AFF2: variants seen among roughly 807,000 people sequenced by gnomAD.
AFF2 encodes ALF transcription elongation factor 2.
In AFF2, 14 loss-of-function variants were observed where a neutral mutation model predicts 76.9. The ratio of observed to expected loss-of-function variants is 0.18; its 90% CI spans 0.12 to 0.28. The LOEUF (loss-of-function observed/expected upper bound fraction) is 0.28. Ranked by LOEUF, AFF2 falls within the 10% of genes least tolerant of loss-of-function variation. The pLI is 1.00. For synonymous variants in AFF2, 398 were observed against 366.7 expected (o/e 1.09, Z -0.98); for missense variants, 868 against 1,001.1 (o/e 0.87, Z 1.79).
chrX:148,633,828 T>C (rs1205139389), intron 1 of AFF2, among the ~76,000 whole-genome samples: 3 of 112,776 alleles, frequency 2.7e-5, no homozygotes, highest in African/African-American at 9.7e-5. Flanking sequence ...TTTTATCTGT[T>C]CAGCCTCCTG....
At chrX:148,924,922 A>T (rs782780652) in intron 9 of AFF2, among the ~76,000 whole-genome samples, 2 of 112,607 alleles carry the variant, frequency 1.8e-5, no homozygotes, top group African/African-American at 6.4e-5. Context: ...AGCCAGATCT[A>T]CTCAATAAGT....
chrX:148,759,126 C>T (rs112147092), intron 3 of AFF2, among the ~76,000 whole-genome samples: 1,160 of 111,959 alleles, frequency 0.01, 25 homozygotes, highest in African/African-American at 0.035. Context: ...CGATGCTAAA[C>T]TCGGCAGTCC....
intron 3 of AFF2, among the ~76,000 whole-genome samples, chrX:148,787,541 G>A (rs2069837580): frequency 1.8e-5 from 2 of 112,079 alleles, no homozygotes; most frequent in African/African-American, 3.2e-5. Context: ...ACAGAAAATA[G>A]GCACTTGTCC....
chrX:148,742,960 T>C (rs141187365), intron 3 of AFF2, among the ~76,000 whole-genome samples: 2,956 of 111,774 alleles, frequency 0.026, 100 homozygotes, highest in African/African-American at 0.089. Flanking sequence ...CTCCTCTTCC[T>C]TTTTACTTCT....
intron 5 of AFF2, among the ~76,000 whole-genome samples, chrX:148,839,894 G>GGTGT (rs200060298): frequency 0.077 from 6,655 of 86,850 alleles, 270 homozygotes; most frequent in Admixed American, 0.2. Context: ...GTTGGGGCAT[G>GGTGT]GTGTGTGTGT....
In AFF2 at chrX:148,764,625, A is replaced by G. The variant is rs1045472234; in HGVS notation, c.1042-45251A>G. ...TTTAATTCTTAAAAGTCCATCATTC[A>G]TTTCTGTCTGCAAAGTCTCTTTTCG... On this transcript the variant is annotated intron_variant, in intron 3 of 20. Coordinates refer to ENST00000370460, the MANE Select transcript of AFF2 (RefSeq NM_002025.4). Among the ~76,000 whole-genome samples, 6 of 112,328 alleles carry G rather than the reference A, an allele frequency of 5.3e-5. No homozygotes were observed. In the Admixed American group the frequency reaches 5.7e-4, roughly 11 times the overall value.
chrX:148,886,017 G>A (rs1171695535), intron 8 of AFF2, 32 bp downstream of exon 8: 2 of 1,075,234 alleles, frequency 1.9e-6, no homozygotes, highest in Non-Finnish European at 2.6e-6. Context: ...GTTTTGGGAT[G>A]AAGGGGGGAG....
At chrX:148,522,094 G>A (rs782600632) in intron 1 of AFF2, among the ~76,000 whole-genome samples, 2 of 112,450 alleles carry the variant, frequency 1.8e-5, no homozygotes, top group Non-Finnish European at 3.8e-5. Context: ...CTCCCCTGTT[G>A]TTCTTTTTCT....
At chrX:148,923,631 A>G (rs782204129) in intron 9 of AFF2, among the ~76,000 whole-genome samples, 1 of 111,957 alleles carries the variant, frequency 8.9e-6, no homozygotes, top group South Asian at 3.8e-4. Context: ...AACATGATGT[A>G]TATTAGCAGA....
intron 9 of AFF2, among the ~76,000 whole-genome samples, chrX:148,947,043 A>G (rs1442588184): frequency 8.9e-6 from 1 of 112,310 alleles, no homozygotes; most frequent in African/African-American, 3.2e-5. Context: ...GCTTTAAGCA[A>G]TGTCATGTAT....
At chrX:148,885,691 A>G (rs1350743370) in intron 7 of AFF2, among the ~76,000 whole-genome samples, 198 bp from the exon 8 acceptor site, 1 of 111,805 alleles carries the variant, frequency 8.9e-6, no homozygotes, top group Non-Finnish European at 1.9e-5. Flanking sequence ...TAGAGAGGGA[A>G]GATATGTGCA....
At chrX:148,920,216 T>C (rs375583935) in intron 9 of AFF2, among the ~76,000 whole-genome samples, 23 of 111,579 alleles carry the variant, frequency 2.1e-4, no homozygotes, top group African/African-American at 7.2e-4. Flanking sequence ...TTTAGTGGTA[T>C]AGATGACTGA....
intron 3 of AFF2, among the ~76,000 whole-genome samples, chrX:148,721,058 A>G (rs983410176): frequency 1.2e-4 from 13 of 112,125 alleles, no homozygotes; most frequent in African/African-American, 4.2e-4. Flanking sequence ...GGTTTATAAC[A>G]TGTCTGTCTA....
At chrX:148,960,031 T>A (rs1386800138) in intron 12 of AFF2, among the ~76,000 whole-genome samples, 1 of 112,548 alleles carries the variant, frequency 8.9e-6, no homozygotes, top group Non-Finnish European at 1.9e-5. Context: ...GGCCTAGTCA[T>A]TTGAGTTGGT....
intron 3 of AFF2, among the ~76,000 whole-genome samples, chrX:148,668,992 C>T (rs1557258800): frequency 1.8e-5 from 2 of 112,177 alleles, no homozygotes; most frequent in East Asian, 2.8e-4. Flanking sequence ...CCTTTAACAA[C>T]ACCCAAGCCC....
At chrX:148,869,569 C>T (rs1260667945) in intron 7 of AFF2, among the ~76,000 whole-genome samples, 3 of 111,648 alleles carry the variant, frequency 2.7e-5, no homozygotes, top group Admixed American at 1.9e-4. Flanking sequence ...CTCAAAAGAG[C>T]GTTATAGCTG....
chrX:148,706,261 T>C (rs2054883163), intron 3 of AFF2, among the ~76,000 whole-genome samples: 2 of 111,945 alleles, frequency 1.8e-5, no homozygotes, highest in Admixed American at 9.5e-5. Context: ...TGGGAAACTA[T>C]ATGGACATGA....
intron 7 of AFF2, among the ~76,000 whole-genome samples, chrX:148,855,731 C>A (rs2070779832): frequency 9.0e-6 from 1 of 111,609 alleles, no homozygotes; most frequent in Admixed American, 9.5e-5. Context: ...TGGCTGGGTT[C>A]AAATCCCAGC....
intron 3 of AFF2, among the ~76,000 whole-genome samples, chrX:148,761,119 T>C (rs1557267224): frequency 8.9e-6 from 1 of 111,863 alleles, no homozygotes; most frequent in African/African-American, 3.3e-5. Context: ...GAATTTGTTG[T>C]GACAATCAAG....
Sources: allele counts gnomAD v4.1 joint callset (sites outside exome capture counted in the v4.1 genomes callset), GRCh38; gene constraint gnomAD v4.1.1; transcripts MANE v1.5; gene names NCBI Gene and HGNC (gene_info 2026-07-23, HGNC 2026-07-21).